RSBN1: variants seen among roughly 807,000 people sequenced by gnomAD.
The protein encoded by RSBN1 is lysine-specific demethylase 9.
RSBN1 carries 23 observed loss-of-function variants against 74.8 expected under a neutral mutation model. The observed-to-expected ratio is 0.31, with a 90% CI of 0.22 to 0.44. The LOEUF (loss-of-function observed/expected upper bound fraction) is 0.44. RSBN1 is among the 20% of genes least tolerant of loss of function. The probability of loss-of-function intolerance (pLI) is 1.00; values close to 1 mark genes in which losing one functional copy is unlikely to be tolerated. For missense variants in RSBN1, 808 were observed against 1,020.9 expected (o/e 0.79, Z 2.84); for synonymous variants, 407 against 379.6 (o/e 1.07, Z -0.84).
At position 113,778,256 on chromosome 1, in the gene RSBN1, T is replaced by C. The variant is rs558256457; in HGVS notation, c.1378-448A>G. Among the ~76,000 whole-genome samples, 4 of 151,952 alleles carry C rather than the reference T, an allele frequency of 2.6e-5. No homozygotes were observed. In the East Asian group the frequency reaches 7.7e-4, roughly 29 times the overall value. On this transcript the variant is annotated intron_variant, in intron 2 of 6. Coordinates refer to ENST00000261441, the MANE Select transcript of RSBN1 (RefSeq NM_018364.5). ...CTTCACTTTAGCCCAGATACCAGGA[T>C]ACGAGGCTCACTGTTACCAAGACAG...
chr1:113,780,757 G>T (rs1660123255), intron 2 of RSBN1, among the ~76,000 whole-genome samples: 1 of 152,194 alleles, frequency 6.6e-6, no homozygotes, highest in African/African-American at 2.4e-5. Context: ...TTTCCTGGCA[G>T]AAGAGCCATC....
At chr1:113,798,077 G>T in intron 1 of RSBN1, 41 bp from the exon 2 acceptor site, 4 of 1,521,048 alleles carry the variant, frequency 2.6e-6, no homozygotes, top group Non-Finnish European at 3.6e-6. Context: ...GCTAGGACTA[G>T]TGTCAACATA....
chr1:113,780,268 T>C (rs927125792), intron 2 of RSBN1, among the ~76,000 whole-genome samples: 1 of 152,248 alleles, frequency 6.6e-6, no homozygotes, highest in Non-Finnish European at 1.5e-5. Context: ...GTGGCAGTTT[T>C]CAATTTACTT....
At chr1:113,808,387 T>C (rs1558006127) in intron 1 of RSBN1, among the ~76,000 whole-genome samples, 1 of 152,200 alleles carries the variant, frequency 6.6e-6, no homozygotes, top group South Asian at 2.1e-4. Flanking sequence ...ACAAGTCCAG[T>C]ACAGACAATG....
chr1:113,801,562 C>A (rs1047032761), intron 1 of RSBN1, among the ~76,000 whole-genome samples: 2 of 152,224 alleles, frequency 1.3e-5, no homozygotes, highest in Admixed American at 6.5e-5. Context: ...TGTCCAAAGT[C>A]TTCTTCACAA....
intron 2 of RSBN1, among the ~76,000 whole-genome samples, chr1:113,795,981 AG>A (rs1274955473): frequency 2.0e-5 from 3 of 152,192 alleles, no homozygotes; most frequent in Admixed American, 2.0e-4. Flanking sequence ...AAAAAATGAT[AG>A]AGCATGTTGA....
intron 2 of RSBN1, among the ~76,000 whole-genome samples, chr1:113,794,779 C>T (rs1464133393): frequency 6.6e-6 from 1 of 152,100 alleles, no homozygotes; most frequent in Non-Finnish European, 1.5e-5. Context: ...ATTATAATTG[C>T]TGGTTTACTC....
At chr1:113,789,614 C>T (rs1660326261) in intron 2 of RSBN1, among the ~76,000 whole-genome samples, 1 of 152,134 alleles carries the variant, frequency 6.6e-6, no homozygotes, top group African/African-American at 2.4e-5. Context: ...AAGGAGAGGC[C>T]AGTCCTGGGG....
At chr1:113,768,466 A>G in intron 4 of RSBN1, 77 bp from the exon 5 acceptor site, 3 of 1,120,886 alleles carry the variant, frequency 2.7e-6, no homozygotes, top group Non-Finnish European at 3.8e-6. Context: ...AATAGCAGTA[A>G]GGCAAAAAAG....
Position 113,812,273 on chromosome 1 carries a change from C to T in RSBN1, c.140G>A (p.Gly47Asp). 2.5e-6 allele frequency: 4 copies of T among 1,605,656 alleles called. No homozygotes were observed. The highest frequency in any genetic ancestry group is 3.4e-6 in the Non-Finnish European group (4 of 1,179,856). Residue 47 changes from glycine to aspartate, a missense_variant, in exon 1 of 7, where the codon GGT (glycine) becomes GAT (aspartate). Around this residue, in one of 6 missense-constraint regions of RSBN1, gnomAD observed 464 missense variants for 401.0 expected, o/e 1.16. Coordinates refer to ENST00000261441, the MANE Select transcript of RSBN1 (RefSeq NM_018364.5). ...AVGPFKCVFVGEMAAQVGAVR... is the reference protein window; with the variant it reads ...AVGPFKCVFVDEMAAQVGAVR... Reference sequence around the variant, plus strand: ...CGCTCCGACCTGCGCAGCCATTTCACCCACAAACACACATTTAAATGGCCC... The same window carrying T: ...CGCTCCGACCTGCGCAGCCATTTCATCCACAAACACACATTTAAATGGCCC...
intron 4 of RSBN1, among the ~76,000 whole-genome samples, chr1:113,771,858 A>C (rs2101793660): frequency 6.6e-6 from 1 of 151,702 alleles, no homozygotes; most frequent in East Asian, 1.9e-4. Flanking sequence ...TGCAGGAAAA[A>C]CAGAACACTT....
intron 4 of RSBN1, among the ~76,000 whole-genome samples, chr1:113,771,114 C>A (rs1247576872): frequency 6.6e-6 from 1 of 151,906 alleles, no homozygotes; most frequent in East Asian, 1.9e-4. Context: ...ATAGAGGATG[C>A]TATAAGCTTG....
chr1:113,786,366 A>G (rs979800030), intron 2 of RSBN1, among the ~76,000 whole-genome samples: 9 of 152,194 alleles, frequency 5.9e-5, no homozygotes, highest in Admixed American at 5.9e-4. Context: ...AGAATCTGTG[A>G]ATGTTACCTT....
chr1:113,812,017 T>A lies in RSBN1; in HGVS notation c.396A>T (p.Pro132=), dbSNP rs372790927. The change falls in exon 1 of 7, where the codon CCA becomes CCT. Residue 132 remains proline (P), a synonymous_variant. Coordinates refer to ENST00000261441, the MANE Select transcript of RSBN1 (RefSeq NM_018364.5). ...GAGGCTCAACAGGGCCTGGGACAGT[T>A]GGGGCTGCATTCGTTGGCGGCAGCG... ...PGPLPPTNAA[P]TVPGPVEPLL... 2 of 1,536,656 alleles carry A rather than the reference T, an allele frequency of 1.3e-6. No individual in the cohort carries two copies. The highest frequency in any genetic ancestry group is 4.7e-5 in the East Asian group (2 of 42,410).
chr1:113,812,016 T>C lies in RSBN1; in HGVS notation c.397A>G (p.Thr133Ala), dbSNP rs1199207911. ...AGAGGCTCAACAGGGCCTGGGACAG[T>C]TGGGGCTGCATTCGTTGGCGGCAGC... ...GPLPPTNAAP[T>A]VPGPVEPLLL... The change falls in exon 1 of 7, where the codon ACT becomes GCT. Residue 133 changes from threonine (T) to alanine (A), a missense_variant. Physicochemically the swap from Thr to Ala is moderately conservative, Grantham distance 58 (BLOSUM62 0). This residue lies in a region of RSBN1 where 464 missense variants were observed against 401.0 expected (regional missense o/e 1.16). Coordinates refer to ENST00000261441, the MANE Select transcript of RSBN1 (RefSeq NM_018364.5). The C allele has an allele frequency of 6.5e-7, 1 of 1,540,146 alleles. No individual in the cohort carries two copies. Among genetic ancestry groups the C allele is most frequent in the Non-Finnish European group, 8.7e-7 (1 of 1,143,690 alleles).
In RSBN1 at chr1:113,792,288, T is replaced by C. The variant is rs1451138254; in HGVS notation, c.1377+5075A>G. Among the ~76,000 whole-genome samples, 11 of 152,302 alleles carry C rather than the reference T, an allele frequency of 7.2e-5. No homozygotes were observed. The East Asian group carries it at 1.9e-3, about 27-fold the overall frequency. On this transcript the variant is annotated intron_variant, in intron 2 of 6. Coordinates refer to ENST00000261441, the MANE Select transcript of RSBN1 (RefSeq NM_018364.5). ...TCTCAGAGGTGATATTGAAAACAAT[T>C]CCCTTTTAACTTCACTGTATTTTTA...
intron 2 of RSBN1, among the ~76,000 whole-genome samples, chr1:113,788,138 A>G (rs1660296411): frequency 6.6e-6 from 1 of 152,154 alleles, no homozygotes; most frequent in South Asian, 2.1e-4. Context: ...AGCTGACATT[A>G]ATCAACATTA....
At chr1:113,772,513 A>G (rs937227826) in intron 4 of RSBN1, among the ~76,000 whole-genome samples, 1 of 152,118 alleles carries the variant, frequency 6.6e-6, no homozygotes, top group Non-Finnish European at 1.5e-5. Context: ...TTCCATTGTA[A>G]GTCTTGCTGT....
intron 2 of RSBN1, among the ~76,000 whole-genome samples, chr1:113,792,795 T>C (rs1002205500): frequency 6.7e-6 from 1 of 149,464 alleles, no homozygotes; most frequent in African/African-American, 2.5e-5. Context: ...CGAGACCTCA[T>C]CAAAGAAAGG....
Sources: gnomAD v4.1 joint callset for allele counts (sites outside exome capture counted in the v4.1 genomes callset) on GRCh38, gnomAD v4.1.1 for gene constraint, gnomAD v4.1.1 regional missense constraint, MANE v1.5 for transcripts, NCBI Gene and HGNC (gene_info 2026-07-23, HGNC 2026-07-21) for gene names.